JARID2: variants seen among roughly 807,000 people sequenced by gnomAD.
JARID2 encodes the protein jumonji and AT-rich interaction domain containing 2.
JARID2 carries 21 observed loss-of-function variants against 125.6 expected under a neutral mutation model. The ratio of observed to expected loss-of-function variants is 0.17; its 90% CI spans 0.12 to 0.24. The LOEUF is 0.24. Ranked by LOEUF, JARID2 falls within the 10% of genes least tolerant of loss-of-function variation. The pLI is 1.00. For synonymous variants in JARID2, 736 were observed against 661.6 expected, an observed-to-expected ratio of 1.11 and a Z score of -1.73; for missense variants, 1,303 against 1,639.6, an observed-to-expected ratio of 0.79 and a Z score of 3.55.
intron 1 of JARID2, among the ~76,000 whole-genome samples, chr6:15,292,330 T>A (rs1031453814): frequency 6.6e-6 from 1 of 152,196 alleles, no homozygotes. Context: ...TGAAGCTTTT[T>A]ATTTGATTTC....
chr6:15,513,471 G>C lies in JARID2; in HGVS notation c.3450+49G>C, dbSNP rs894058783. The C allele has an allele frequency of 4.6e-6, 7 of 1,527,732 alleles. No individual in the cohort carries two copies. In the Admixed American group the frequency reaches 1.3e-4, roughly 29 times the overall value. 94.6% of individuals were successfully genotyped at this position (1,527,732 alleles called of 1,614,324 possible). On this transcript the variant is annotated intron_variant, in intron 16 of 17. Transcript: ENST00000341776. ...CGCCCTCGCATGTAGTGCTTGGCCT[G>C]AGAGCTCCGGGGTTGCCCCCAGAAG...
At chr6:15,282,240 T>C (rs1383125892) in intron 1 of JARID2, among the ~76,000 whole-genome samples, 1 of 151,736 alleles carries the variant, frequency 6.6e-6, no homozygotes, top group Non-Finnish European at 1.5e-5. Flanking sequence ...ACAGCGCCTG[T>C]CATGTGCTGT....
At chr6:15,376,541 C>A (rs1474087634) in intron 2 of JARID2, among the ~76,000 whole-genome samples, 2 of 152,084 alleles carry the variant, frequency 1.3e-5, no homozygotes, top group Non-Finnish European at 2.9e-5. Context: ...CAAACTACAA[C>A]CCTGTCTTTC....
chr6:15,289,733 C>T (rs1440262140), intron 1 of JARID2, among the ~76,000 whole-genome samples: 1 of 152,150 alleles, frequency 6.6e-6, no homozygotes, highest in Non-Finnish European at 1.5e-5. Flanking sequence ...GTAATCCCAG[C>T]TGTTCAGGAG....
Position 15,496,490 on chromosome 6 carries a change from T to TGGGGGG in JARID2, c.1267_1272dup (p.Gly423_Gly424dup). 6.3e-7 allele frequency: 1 copy of TGGGGGG among 1,584,204 alleles called. No individual in the cohort carries two copies. The highest frequency in any genetic ancestry group is 8.6e-7 in the Non-Finnish European group (1 of 1,165,658). On this transcript the variant is annotated inframe_insertion, in exon 7 of 18. Transcript: ENST00000341776. ...AACCCAAAGTCATGCACTAAGGAGGTGGGGGGGCGGCAGCTGCGGGAGGGC... is the reference window on the plus strand; with the variant it reads ...AACCCAAAGTCATGCACTAAGGAGGTGGGGGGGGGGGGGCGGCAGCTGCGGGAGGGC...
At position 15,452,039 on chromosome 6, in the gene JARID2, G is replaced by A. The variant is rs2127640873; in HGVS notation, c.357G>A (p.Gln119=). The A allele has an allele frequency of 6.2e-7, 1 of 1,613,924 alleles. No homozygotes were observed. The highest frequency in any genetic ancestry group is 8.5e-7 in the Non-Finnish European group (1 of 1,179,976). ...PRLQAQRKFA[Q]SQPNSPSTTP... ...TGCAAGCACAAAGGAAGTTTGCTCA[G>A]TCTCAGCCGAATAGTCCCAGCACAA... The change falls in exon 4 of 18, where the codon CAG becomes CAA. Residue 119 remains glutamine, a synonymous_variant. Coordinates refer to ENST00000341776, the MANE Select transcript of JARID2 (RefSeq NM_004973.4).
intron 2 of JARID2, among the ~76,000 whole-genome samples, chr6:15,409,611 C>T (rs989444667): frequency 6.6e-6 from 1 of 152,208 alleles, no homozygotes; most frequent in South Asian, 2.1e-4. Flanking sequence ...AAAAGCACAT[C>T]CATGAGCACC....
chr6:15,463,425 CT>C (rs745347518), intron 4 of JARID2, among the ~76,000 whole-genome samples: 3,184 of 88,462 alleles, frequency 0.036, 63 homozygotes, highest in South Asian at 0.081. Context: ...GAGCCCTTTC[CT>C]TTTTTTTTTT....
chr6:15,312,671 C>G (rs2127429198), intron 1 of JARID2, among the ~76,000 whole-genome samples: 1 of 152,268 alleles, frequency 6.6e-6, no homozygotes, highest in East Asian at 1.9e-4. Flanking sequence ...TTGTTCCTTC[C>G]TGTTATGGTT....
chr6:15,322,883 A>G lies in JARID2; in HGVS notation c.46-51234A>G, dbSNP rs991736926. 2.9e-4 allele frequency among the ~76,000 whole-genome samples: 44 copies of G among 152,368 alleles called. 1 individual carries two copies. The highest frequency in any genetic ancestry group is 7.3e-5 in the Non-Finnish European group (5 of 68,034). On this transcript the variant is annotated intron_variant, in intron 1 of 17. Transcript: ENST00000341776. ...AAATAAAACTTTCCCCTTGATTTCC[A>G]AATTCCAGAATATTAGGCATAACCA...
At chr6:15,381,303 T>G (rs1043639451) in intron 2 of JARID2, among the ~76,000 whole-genome samples, 2 of 138,948 alleles carry the variant, frequency 1.4e-5, no homozygotes, top group African/African-American at 5.5e-5. Flanking sequence ...ATCGTGCCAC[T>G]GCAATCCAGC....
intron 12 of JARID2, 130 bp downstream of exon 12, chr6:15,508,584 C>A: frequency 1.6e-6 from 1 of 637,918 alleles, no homozygotes; most frequent in Non-Finnish European, 2.8e-6. Flanking sequence ...TGTGTTCAGG[C>A]CTGTCCTGCG....
At position 15,507,270 on chromosome 6, in the gene JARID2, C is replaced by CT. The variant is rs752647970; in HGVS notation, c.2660+17dup. On this transcript the variant is annotated intron_variant, in intron 10 of 17. Transcript: ENST00000341776. ...CCTTTTCGAGGTAACCTGGGATTCT[C>CT]TCGTCCAGGTTCTTGGGGATGTGAC... The CT allele has an allele frequency of 3.1e-6, 5 of 1,600,948 alleles. No individual in the cohort carries two copies. The Admixed American group carries it at 8.3e-5, about 27-fold the overall frequency.
At chr6:15,477,666 T>C (rs1000532058) in intron 5 of JARID2, among the ~76,000 whole-genome samples, 20 of 152,292 alleles carry the variant, frequency 1.3e-4, no homozygotes, top group Admixed American at 7.2e-4. Context: ...GACACACTTA[T>C]GGCTGCAACC....
intron 3 of JARID2, among the ~76,000 whole-genome samples, chr6:15,416,017 G>A (rs1370405468): frequency 2.6e-5 from 4 of 151,286 alleles, no homozygotes; most frequent in African/African-American, 4.9e-5. Flanking sequence ...ACGGGGTCAT[G>A]GCCCGGTAGA....
intron 1 of JARID2, among the ~76,000 whole-genome samples, chr6:15,278,288 A>G (rs1233774869): frequency 6.6e-6 from 1 of 150,958 alleles, no homozygotes; most frequent in Admixed American, 6.6e-5. Context: ...CAAAATTTCA[A>G]TCGAAACACT....
intron 1 of JARID2, among the ~76,000 whole-genome samples, chr6:15,304,303 T>TCCCCAC (rs1761736563): frequency 3.7e-5 from 1 of 26,716 alleles, no homozygotes; most frequent in Non-Finnish European, 7.3e-5. Flanking sequence ...AATTTGCTGA[T>TCCCCAC]CCCCCCCCCC....
chr6:15,304,394 T>G (rs917541642), intron 1 of JARID2, among the ~76,000 whole-genome samples: 10 of 148,800 alleles, frequency 6.7e-5, no homozygotes, highest in African/African-American at 2.5e-4. Context: ...TTATTCACTT[T>G]TTTTAGAGGA....
chr6:15,270,398 C>CT (rs1252690060), intron 1 of JARID2, among the ~76,000 whole-genome samples: 1 of 152,158 alleles, frequency 6.6e-6, no homozygotes, highest in Non-Finnish European at 1.5e-5. Flanking sequence ...TCCCAAAGTG[C>CT]TGGGATTACA....
Sources: gnomAD v4.1 joint callset for allele counts (sites outside exome capture counted in the v4.1 genomes callset) on GRCh38, gnomAD v4.1.1 for gene constraint, MANE v1.5 for transcripts, NCBI Gene and HGNC (gene_info 2026-07-23, HGNC 2026-07-21) for gene names.